RYR2: variants seen among roughly 807,000 people sequenced by gnomAD.
RYR2 encodes ryanodine receptor 2.
Under a neutral mutation model 601.1 loss-of-function variants are expected in RYR2, and 227 were observed. The observed-to-expected ratio is 0.38, with a 90% CI of 0.34 to 0.42. The LOEUF (loss-of-function observed/expected upper bound fraction) is 0.42. RYR2 is among the 10% of genes least tolerant of loss of function. The pLI, the probability that RYR2 is intolerant of heterozygous loss-of-function variation, is 1.00. For synonymous variants in RYR2, 2,223 were observed against 2,175.1 expected (o/e 1.02, Z -0.61); for missense variants, 4,646 against 6,156.5 (o/e 0.75, Z 8.21).
At chr1:237,222,163 C>CTAGCA (rs1683861066) in intron 1 of RYR2, among the ~76,000 whole-genome samples, 1 of 151,756 alleles carries the variant, frequency 6.6e-6, no homozygotes, top group African/African-American at 2.4e-5. Flanking sequence ...ACCTGTAATC[C>CTAGCA]CAGCACTTTG....
chr1:237,397,350 A>G (rs12041443), intron 10 of RYR2, among the ~76,000 whole-genome samples: 65,674 of 152,030 alleles, frequency 0.43, 15,309 homozygotes, highest in East Asian at 0.74. Context: ...ACTGAAGCCC[A>G]GGGAAAAACA....
intron 17 of RYR2, among the ~76,000 whole-genome samples, chr1:237,472,245 CT>C (rs1553464158): frequency 2.6e-5 from 4 of 152,038 alleles, no homozygotes; most frequent in Non-Finnish European, 5.9e-5. Flanking sequence ...CATTTTTTTC[CT>C]CTCTGTAATA....
chr1:237,324,074 A>G (rs1695909163), intron 2 of RYR2, among the ~76,000 whole-genome samples: 1 of 152,214 alleles, frequency 6.6e-6, no homozygotes, highest in South Asian at 2.1e-4. Flanking sequence ...AACTAGGAAC[A>G]TGGTGTAATG....
chr1:237,653,660 G>A (rs112185877), intron 51 of RYR2, among the ~76,000 whole-genome samples: 8,322 of 152,226 alleles, frequency 0.055, 314 homozygotes, highest in African/African-American at 0.1. Flanking sequence ...CACGATCACC[G>A]GGTGAAGTCC....
At chr1:237,288,321 A>G (rs373237773) in intron 2 of RYR2, among the ~76,000 whole-genome samples, 64 of 152,300 alleles carry the variant, frequency 4.2e-4, no homozygotes, top group East Asian at 2.5e-3. Context: ...TCCAGAGAGC[A>G]TCAGCTCTGG....
At chr1:237,794,469 G>A (rs942731024) in intron 95 of RYR2, among the ~76,000 whole-genome samples, 15 of 152,078 alleles carry the variant, frequency 9.9e-5, no homozygotes, top group Admixed American at 8.5e-4. Context: ...ATTAGGACAC[G>A]GTGTAAAATG....
chr1:237,504,452 A>G (rs1665002724), intron 22 of RYR2, among the ~76,000 whole-genome samples: 1 of 152,186 alleles, frequency 6.6e-6, no homozygotes, highest in Non-Finnish European at 1.5e-5. Flanking sequence ...CGGGTGGGGC[A>G]GAAACAAATC....
intron 29 of RYR2, among the ~76,000 whole-genome samples, chr1:237,579,444 C>G (rs1673647349): frequency 1.3e-5 from 2 of 151,808 alleles, no homozygotes; most frequent in African/African-American, 4.8e-5. Context: ...TTAGTACAGA[C>G]AGGGTTTCAC....
At chr1:237,203,137 A>G (rs1681391338) in intron 1 of RYR2, among the ~76,000 whole-genome samples, 1 of 151,884 alleles carries the variant, frequency 6.6e-6, no homozygotes, top group African/African-American at 2.4e-5. Context: ...TTGTGAAAAA[A>G]CCACCATCAC....
chr1:237,592,718 G>A (rs2618715), intron 32 of RYR2, among the ~76,000 whole-genome samples: 59,970 of 150,996 alleles, frequency 0.4, 13,357 homozygotes, highest in Admixed American at 0.5. Flanking sequence ...GGTGGGTGAC[G>A]AGTATAAAAA....
intron 96 of RYR2, among the ~76,000 whole-genome samples, chr1:237,795,836 G>GTATACA (rs1659064108): frequency 1.5e-5 from 2 of 132,692 alleles, no homozygotes; most frequent in Non-Finnish European, 3.1e-5. Flanking sequence ...GTGTGTGTGT[G>GTATACA]TATATATATA....
chr1:237,240,665 C>CAAAAAA (rs35984919), intron 1 of RYR2, among the ~76,000 whole-genome samples: 25 of 55,136 alleles, frequency 4.5e-4, no homozygotes, highest in Admixed American at 1.3e-3. Flanking sequence ...CTATAAAAGC[C>CAAAAAA]AAAAAAAAAA....
At chr1:237,139,897 C>T (rs1346431333) in intron 1 of RYR2, among the ~76,000 whole-genome samples, 1 of 152,228 alleles carries the variant, frequency 6.6e-6, no homozygotes, top group African/African-American at 2.4e-5. Context: ...TGCTGTGTGA[C>T]GTGCTAGCTC....
chr1:237,301,398 T>G (rs1420223263), intron 2 of RYR2, among the ~76,000 whole-genome samples: 2 of 152,190 alleles, frequency 1.3e-5, no homozygotes, highest in African/African-American at 4.8e-5. Flanking sequence ...ATTAGCATAC[T>G]GTAGGAACTT....
intron 2 of RYR2, among the ~76,000 whole-genome samples, chr1:237,326,006 T>C (rs1696137448): frequency 6.6e-6 from 1 of 152,226 alleles, no homozygotes; most frequent in Non-Finnish European, 1.5e-5. Flanking sequence ...GGTGGCTTAA[T>C]GTGGCTTATA....
chr1:237,586,272 G>A (rs1478914), intron 29 of RYR2, among the ~76,000 whole-genome samples: 56,341 of 151,938 alleles, frequency 0.37, 12,005 homozygotes, highest in Admixed American at 0.48. Flanking sequence ...CCCTAAAGAT[G>A]ACTTTTAATG....
At chr1:237,653,659 C>T (rs776791097) in intron 51 of RYR2, among the ~76,000 whole-genome samples, 4 of 152,244 alleles carry the variant, frequency 2.6e-5, no homozygotes, top group South Asian at 2.1e-4. Context: ...ACACGATCAC[C>T]GGGTGAAGTC....
At chr1:237,456,855 T>C in intron 16 of RYR2, 120 bp downstream of exon 16, 1 of 1,111,008 alleles carries the variant, frequency 9.0e-7, no homozygotes, top group African/African-American at 1.6e-5. Context: ...GGTGGGAGGA[T>C]CATTTGAGGC....
At chr1:237,594,023 A>C (rs898588665) in intron 33 of RYR2, among the ~76,000 whole-genome samples, 2 of 152,230 alleles carry the variant, frequency 1.3e-5, no homozygotes, top group African/African-American at 4.8e-5. Flanking sequence ...AAAACTGTGA[A>C]GACAATGTGG....
Sources: allele counts gnomAD v4.1 joint callset (sites outside exome capture counted in the v4.1 genomes callset), GRCh38; gene constraint gnomAD v4.1.1; transcripts MANE v1.5; gene names NCBI Gene and HGNC (gene_info 2026-07-23, HGNC 2026-07-21).